GMDS: variants seen among roughly 807,000 people sequenced by gnomAD.
The protein encoded by GMDS is GDP-mannose 4,6-dehydratase.
Under a neutral mutation model 49.9 loss-of-function variants are expected in GMDS, and 20 were observed. The observed-to-expected ratio is 0.40, with a 90% confidence interval of 0.28 to 0.58. The LOEUF (loss-of-function observed/expected upper bound fraction) is 0.58, where lower values mean the gene tolerates loss of function less well. Ranked by LOEUF, GMDS falls within the 20% of genes least tolerant of loss-of-function variation. The probability of loss-of-function intolerance (pLI) is 0.42; values close to 1 mark genes in which losing one functional copy is unlikely to be tolerated. For synonymous variants in GMDS, 177 were observed against 178.6 expected, an observed-to-expected ratio of 0.99 and a Z score of 0.07; for missense variants, 362 against 481.4, an observed-to-expected ratio of 0.75 and a Z score of 2.32.
chr6:1,745,187 G>A (rs943187462), intron 7 of GMDS, among the ~76,000 whole-genome samples: 38 of 152,136 alleles, frequency 2.5e-4, no homozygotes, highest in Non-Finnish European at 3.2e-4. Flanking sequence ...GGTCTTTCAG[G>A]GCCACTCAGC....
chr6:1,681,593 C>G (rs1764795602), intron 9 of GMDS, among the ~76,000 whole-genome samples: 1 of 152,310 alleles, frequency 6.6e-6, no homozygotes, highest in Admixed American at 6.5e-5. Flanking sequence ...AGAGTGGCAT[C>G]CGCCAGCTCC....
intron 4 of GMDS, among the ~76,000 whole-genome samples, chr6:2,061,977 A>T (rs905824866): frequency 1.3e-5 from 2 of 152,200 alleles, no homozygotes; most frequent in African/African-American, 4.8e-5. Flanking sequence ...ATCCTAAGCC[A>T]CAGCAAGGTA....
chr6:2,059,446 C>A (rs1458365123), intron 4 of GMDS, among the ~76,000 whole-genome samples: 2 of 151,230 alleles, frequency 1.3e-5, no homozygotes, highest in African/African-American at 2.4e-5. Flanking sequence ...CGGTGGCTCA[C>A]GCCTGTAATC....
chr6:2,236,963 T>C (rs938209390), intron 1 of GMDS, among the ~76,000 whole-genome samples: 3 of 152,204 alleles, frequency 2.0e-5, no homozygotes, highest in Admixed American at 2.0e-4. Flanking sequence ...AATACCTTTA[T>C]TTTTTCACTC....
At position 1,826,260 on chromosome 6, in the gene GMDS, A is replaced by G. The variant is rs78463197; in HGVS notation, c.772-83674T>C. On this transcript the variant is annotated intron_variant, in intron 7 of 10. Coordinates refer to ENST00000380815, the MANE Select transcript of GMDS (RefSeq NM_001500.4). Reference sequence around the variant, plus strand: ...CTACCACGTCACTACATGATTAAACAATTTTCAAGTCCATTATAATCTTCT... The same window carrying G: ...CTACCACGTCACTACATGATTAAACGATTTTCAAGTCCATTATAATCTTCT... Among the ~76,000 whole-genome samples, 201 of 152,314 alleles carry G rather than the reference A, an allele frequency of 1.3e-3. 2 individuals carry two copies. The East Asian group carries it at 0.029, about 22-fold the overall frequency.
intron 1 of GMDS, among the ~76,000 whole-genome samples, chr6:2,158,337 GGAGGGATTCCT>G (rs1777212533): frequency 6.6e-6 from 1 of 152,080 alleles, no homozygotes; most frequent in South Asian, 2.1e-4. Context: ...AACTGCTCTG[GGAGGGATTCCT>G]TAATTTATAA....
intron 7 of GMDS, among the ~76,000 whole-genome samples, chr6:1,868,938 T>C (rs1758585855): frequency 6.6e-6 from 1 of 152,260 alleles, no homozygotes; most frequent in Non-Finnish European, 1.5e-5. Context: ...AAAAATGATT[T>C]AATATGTTCT....
intron 7 of GMDS, among the ~76,000 whole-genome samples, chr6:1,887,467 G>A (rs1759664047): frequency 6.6e-6 from 1 of 152,080 alleles, no homozygotes; most frequent in Non-Finnish European, 1.5e-5. Flanking sequence ...TCCAAAACAG[G>A]AAGAAAGAGC....
At chr6:2,066,132 A>C (rs1771572527) in intron 4 of GMDS, among the ~76,000 whole-genome samples, 1 of 152,086 alleles carries the variant, frequency 6.6e-6, no homozygotes, top group South Asian at 2.1e-4. Context: ...CTTAAAGAAA[A>C]GAATTTTCAA....
chr6:1,862,924 T>C (rs1200030270), intron 7 of GMDS, among the ~76,000 whole-genome samples: 1 of 152,110 alleles, frequency 6.6e-6, no homozygotes, highest in Non-Finnish European at 1.5e-5. Context: ...TACAAAACAC[T>C]GAGAAAACAT....
chr6:1,903,961 AC>A (rs140474405), intron 7 of GMDS, among the ~76,000 whole-genome samples: 58 of 152,222 alleles, frequency 3.8e-4, no homozygotes, highest in African/African-American at 1.3e-3. Context: ...TGACATTTTG[AC>A]TGGGCAGGCT....
intron 1 of GMDS, among the ~76,000 whole-genome samples, chr6:2,129,321 C>T (rs1775609689): frequency 6.6e-6 from 1 of 152,146 alleles, no homozygotes; most frequent in South Asian, 2.1e-4. Context: ...CCTCCCGCAA[C>T]ACAGGAAGAC....
rs985359391 is a variant in GMDS at position 2,200,940 on chromosome 6, A to G, written c.102+44381T>C. On this transcript the variant is annotated intron_variant, in intron 1 of 10. Transcript: ENST00000380815. ...TAGGCAGTGAGGGCAGCATGTTAGCAGAGAGATGAAGGATGAAGACAGAGC... is the reference window on the plus strand; with the variant it reads ...TAGGCAGTGAGGGCAGCATGTTAGCGGAGAGATGAAGGATGAAGACAGAGC... Among the ~76,000 whole-genome samples, 12 of 145,954 alleles carry G rather than the reference A, an allele frequency of 8.2e-5. No individual in the cohort carries two copies. In the South Asian group the frequency reaches 1.6e-3, roughly 20 times the overall value.
chr6:1,796,860 T>G (rs530634349), intron 7 of GMDS, among the ~76,000 whole-genome samples: 1 of 152,336 alleles, frequency 6.6e-6, no homozygotes, highest in East Asian at 1.9e-4. Context: ...CATCAGATGC[T>G]TTACCCATTC....
At chr6:2,211,602 T>C (rs1211300620) in intron 1 of GMDS, among the ~76,000 whole-genome samples, 1 of 152,134 alleles carries the variant, frequency 6.6e-6, no homozygotes, top group Non-Finnish European at 1.5e-5. Context: ...TTTGAAATGC[T>C]CAAATAGTCT....
At chr6:2,207,938 T>C (rs1020201424) in intron 1 of GMDS, among the ~76,000 whole-genome samples, 1 of 151,978 alleles carries the variant, frequency 6.6e-6, no homozygotes, top group Non-Finnish European at 1.5e-5. Flanking sequence ...ATATATATGT[T>C]TGCCAAGTTA....
intron 1 of GMDS, among the ~76,000 whole-genome samples, chr6:2,205,778 G>GT (rs1197250633): frequency 4.9e-4 from 74 of 151,284 alleles, no homozygotes; most frequent in Non-Finnish European, 9.7e-4. Flanking sequence ...TGTGTGTGTG[G>GT]GGGGGGAGGG....
intron 4 of GMDS, among the ~76,000 whole-genome samples, chr6:2,100,723 C>T (rs528036481): frequency 6.6e-6 from 1 of 151,840 alleles, no homozygotes; most frequent in Non-Finnish European, 1.5e-5. Context: ...GTTAAAAAAA[C>T]TCAAACATGT....
chr6:1,635,666 C>CG lies in GMDS; in HGVS notation c.988-11127dup, dbSNP rs565832055. On this transcript the variant is annotated intron_variant, in intron 9 of 10. Transcript: ENST00000380815. This position sits in a 1 kb window ranked among gnomAD's most constrained non-coding sequence, Gnocchi z 4.7. ...AGGGTCTGTGCTGTGCAAAGCCCAC[C>CG]GGGGGGTGTGGCCCTCAAGTCTGCA... Among the ~76,000 whole-genome samples, 331 of 152,274 alleles carry CG rather than the reference C, an allele frequency of 2.2e-3. 2 individuals carry two copies. Among genetic ancestry groups the CG allele is most frequent in the African/African-American group, 7.8e-3 (326 of 41,560 alleles).
Sources: allele counts gnomAD v4.1 joint callset (sites outside exome capture counted in the v4.1 genomes callset), GRCh38; gene constraint gnomAD v4.1.1; non-coding constraint Gnocchi (gnomAD v3.1); transcripts MANE v1.5; gene names NCBI Gene and HGNC (gene_info 2026-07-23, HGNC 2026-07-21).